Variants in PLA2G15 observed in about 807,000 individuals in gnomAD.
PLA2G15 encodes phospholipase A2 group XV, also known as lysosomal phospholipase A and acyltransferase.
A neutral mutation model predicts 40.9 loss-of-function variants in PLA2G15; 20 were observed. The observed-to-expected ratio is 0.49, with a 90% confidence interval of 0.34 to 0.71. PLA2G15 has a LOEUF of 0.71. PLA2G15 is among the 30% of genes least tolerant of loss of function. The pLI is 0.01. For missense variants in PLA2G15, 471 were observed against 541.9 expected, an observed-to-expected ratio of 0.87 and a Z score of 1.30; for synonymous variants, 223 against 228.2, an observed-to-expected ratio of 0.98 and a Z score of 0.21.
chr16:68,245,452 G>T lies in PLA2G15; in HGVS notation c.26G>T (p.Arg9Leu), dbSNP rs759786663. The T allele has an allele frequency of 5.0e-6, 8 of 1,605,766 alleles. No homozygotes were observed. The South Asian group carries it at 5.5e-5, about 11-fold the overall frequency. The change falls in exon 1 of 6, where the codon CGT (arginine) becomes CTT (leucine). Residue 9 changes from arginine (R) to leucine (L), a missense_variant. Physicochemically the swap from Arg to Leu is moderately radical, Grantham distance 102 (BLOSUM62 -2). Transcript: ENST00000219345. MGLHLRPY[R>L]VGLLPDGLLF... ...ATGGGCCTCCACCTCCGCCCCTACC[G>T]TGTGGGGCTGCTCCCGGATGGCCTC...
chr16:68,250,952 C>T (rs1358567803), intron 2 of PLA2G15, among the ~76,000 whole-genome samples: 2 of 152,172 alleles, frequency 1.3e-5, no homozygotes, highest in Non-Finnish European at 2.9e-5. Context: ...TCCTCCCAGG[C>T]CCCATGCTTG....
intron 1 of PLA2G15, among the ~76,000 whole-genome samples, chr16:68,247,293 C>T (rs1222625066): frequency 1.3e-5 from 2 of 152,172 alleles, no homozygotes; most frequent in East Asian, 1.9e-4. Flanking sequence ...CGATGTGATA[C>T]AGAAGACCCT....
At chr16:68,257,870 T>G (rs1055254454) in intron 5 of PLA2G15, among the ~76,000 whole-genome samples, 4 of 152,214 alleles carry the variant, frequency 2.6e-5, no homozygotes, top group Non-Finnish European at 5.9e-5. Flanking sequence ...TTTCAAAGGC[T>G]GGGAAGCTGT....
chr16:68,251,837 G>A (rs2042356681), intron 2 of PLA2G15, among the ~76,000 whole-genome samples: 1 of 150,748 alleles, frequency 6.6e-6, no homozygotes. Flanking sequence ...TCTAGCCTGG[G>A]TGACAGAGCG....
intron 5 of PLA2G15, chr16:68,256,559 A>C (rs1475427163): frequency 6.6e-6 from 1 of 151,926 alleles, no homozygotes; most frequent in Non-Finnish European, 1.5e-5. Context: ...TGTCACCCAG[A>C]CTGGAATGCA....
chr16:68,245,571 T>G lies in PLA2G15; in HGVS notation c.127+18T>G, dbSNP rs1205348954. ...GGTGCTGGGTGAGGCACGGGTCTCG[T>G]GGTGGATCTGTCGGTCGGGCGGGAC... On this transcript the variant is annotated intron_variant, in intron 1 of 5. Coordinates refer to ENST00000219345, the MANE Select transcript of PLA2G15 (RefSeq NM_012320.4). 6.4e-7 allele frequency: 1 copy of G among 1,562,864 alleles called. No individual in the cohort carries two copies. Among genetic ancestry groups the G allele is most frequent in the East Asian group, 2.4e-5 (1 of 42,016 alleles).
At chr16:68,256,069 G>A (rs1422094362) in intron 5 of PLA2G15, 79 bp downstream of exon 5, 1 of 901,318 alleles carries the variant, frequency 1.1e-6, no homozygotes, top group Non-Finnish European at 1.7e-6. Flanking sequence ...TGTCCTCCTG[G>A]GCCAGCATGC....
intron 1 of PLA2G15, chr16:68,248,330 A>C (rs576567910): frequency 1.3e-5 from 2 of 151,820 alleles, no homozygotes; most frequent in African/African-American, 4.9e-5. Context: ...CCTGTCTTCT[A>C]TGTAGCCTGG....
intron 2 of PLA2G15, chr16:68,253,546 T>C (rs1325597307): frequency 2.7e-6 from 1 of 369,876 alleles, no homozygotes; most frequent in Non-Finnish European, 5.4e-6. Context: ...GGTTAATTTT[T>C]GTGTTTTTAG....
At chr16:68,258,961 A>C (rs1410057630) in intron 5 of PLA2G15, 185 bp from the exon 6 acceptor site, 13 of 597,106 alleles carry the variant, frequency 2.2e-5, no homozygotes, top group Non-Finnish European at 3.2e-5. Flanking sequence ...CCCTGTCTCA[A>C]AAAGAAAAAA....
At chr16:68,249,470 G>T (rs373631017) in intron 2 of PLA2G15, 24 bp downstream of exon 2, 13 of 1,611,482 alleles carry the variant, frequency 8.1e-6, no homozygotes, top group African/African-American at 4.0e-5. Flanking sequence ...CACACAGAGG[G>T]GGGTGCTGCT....
At chr16:68,258,339 A>G (rs148799133) in intron 5 of PLA2G15, among the ~76,000 whole-genome samples, 1 of 152,304 alleles carries the variant, frequency 6.6e-6, no homozygotes, top group African/African-American at 2.4e-5. Context: ...TAAAAGGGAA[A>G]GCAGAACATG....
chr16:68,255,832 G>C lies in PLA2G15; in HGVS notation c.569G>C (p.Gly190Ala). The change falls in exon 5 of 6, where the codon GGC becomes GCC. Residue 190 changes from glycine to alanine, a missense_variant. Coordinates refer to ENST00000219345, the MANE Select transcript of PLA2G15 (RefSeq NM_012320.4). The surrounding 1 kb of genome is among the most constrained non-coding windows in gnomAD (Gnocchi z 5.9). The stretch of plus-strand genomic sequence containing the variant: ...GAGGAGATGTACCAGCTGTATGGGG[G>C]CCCCGTGGTGCTGGTTGCCCACAGT... ...MIEEMYQLYG[G>A]PVVLVAHSMG... 6.2e-7 allele frequency: 1 copy of C among 1,614,172 alleles called. No homozygotes were observed. Among genetic ancestry groups the C allele is most frequent in the Non-Finnish European group, 8.5e-7 (1 of 1,180,004 alleles).
chr16:68,253,078 C>A, intron 2 of PLA2G15, among the ~76,000 whole-genome samples: 1 of 152,206 alleles, frequency 6.6e-6, no homozygotes. Context: ...GCTGGGCAAG[C>A]CCTGAGCCTT....
chr16:68,254,761 T>C (rs574525036), intron 2 of PLA2G15, 158 bp from the exon 3 acceptor site: 12 of 648,226 alleles, frequency 1.9e-5, no homozygotes, highest in African/African-American at 1.1e-4. Flanking sequence ...AGGTGATCTG[T>C]GCTTTATCAA....
Position 68,259,740 on chromosome 16 carries a change from A to G in PLA2G15, c.*83A>G. The G allele has an allele frequency of 7.5e-7, 1 of 1,341,238 alleles. No homozygotes were observed. The highest frequency in any genetic ancestry group is 1.0e-6 in the Non-Finnish European group (1 of 975,550). 83.1% of individuals were successfully genotyped at this position (1,341,238 alleles called of 1,614,324 possible). ...CTGTCATGGCCCACGCGTTTTGCAA[A>G]GTTTGTGACTCACCATTCAAGGCCC... On this transcript the variant is annotated 3_prime_UTR_variant, in exon 6 of 6. Coordinates refer to ENST00000219345, the MANE Select transcript of PLA2G15 (RefSeq NM_012320.4). The surrounding 1 kb of genome is among the most constrained non-coding windows in gnomAD (Gnocchi z 6.5).
intron 5 of PLA2G15, among the ~76,000 whole-genome samples, chr16:68,257,437 T>G (rs1034392388): frequency 6.6e-6 from 1 of 152,236 alleles, no homozygotes; most frequent in Non-Finnish European, 1.5e-5. Flanking sequence ...CCTGCTTGCC[T>G]GGCAATTGGG....
chr16:68,259,187 C>A lies in PLA2G15; in HGVS notation c.769C>A (p.Arg257=), dbSNP rs776525623. 12 of 1,613,650 alleles carry A rather than the reference C, an allele frequency of 7.4e-6. No homozygotes were observed. The highest frequency in any genetic ancestry group is 1.1e-5 in the South Asian group (1 of 91,076). ...CCCAGTCATCGGGCCCCTGAAGATCCGGGAGCAGCAGCGGTCAGCTGTCTC... is the reference window on the plus strand; with the variant it reads ...CCCAGTCATCGGGCCCCTGAAGATCAGGGAGCAGCAGCGGTCAGCTGTCTC... ...RIPVIGPLKI[R]EQQRSAVSTS... The change falls in exon 6 of 6, where the codon CGG becomes AGG. Residue 257 remains arginine (R), a synonymous_variant. Coordinates refer to ENST00000219345, the MANE Select transcript of PLA2G15 (RefSeq NM_012320.4). The surrounding 1 kb of genome is among the most constrained non-coding windows in gnomAD (Gnocchi z 6.5).
At position 68,260,629 on chromosome 16, in the gene PLA2G15, G is replaced by A. The variant is rs986915748; in HGVS notation, c.*972G>A. ...GTACCAAGTGGGTCAGCACAGGGCT[G>A]AGGATGGGGCTCCTATCCACCCTGG... On this transcript the variant is annotated 3_prime_UTR_variant, in exon 6 of 6. Transcript: ENST00000219345. 3 of 150,838 alleles carry A rather than the reference G, an allele frequency of 2.0e-5. No individual in the cohort carries two copies. In the East Asian group the frequency reaches 5.8e-4, roughly 29 times the overall value. The allele number at this position is 150,838 out of a possible 1,614,324, so 9.3% of individuals were successfully genotyped here. A position where few individuals can be genotyped will look rare whatever the true frequency, so the allele number is the denominator to read the frequency against.
Sources: allele counts gnomAD v4.1 joint callset (sites outside exome capture counted in the v4.1 genomes callset), GRCh38; gene constraint gnomAD v4.1.1; non-coding constraint Gnocchi (gnomAD v3.1); transcripts MANE v1.5; gene names NCBI Gene and HGNC (gene_info 2026-07-23, HGNC 2026-07-21).